Variants in TBC1D19 observed in about 807,000 individuals in gnomAD.
TBC1D19 encodes TBC1 domain family member 19.
A neutral mutation model predicts 89.0 loss-of-function variants in TBC1D19; 60 were observed. That is an observed-to-expected ratio of 0.67 (90% CI 0.55 to 0.84). The LOEUF is 0.84. TBC1D19 is among the 40% of genes least tolerant of loss of function. TBC1D19 has a pLI of 0.00. For missense variants in TBC1D19, 500 were observed against 610.8 expected, an observed-to-expected ratio of 0.82 and a Z score of 1.91; for synonymous variants, 189 against 199.7, an observed-to-expected ratio of 0.95 and a Z score of 0.45.
intron 15 of TBC1D19, among the ~76,000 whole-genome samples, chr4:26,730,752 A>G (rs916561274): frequency 1.3e-5 from 2 of 152,188 alleles, no homozygotes; most frequent in Admixed American, 6.5e-5. Context: ...AGAAGCCTGC[A>G]GGTCCAGCCT....
At chr4:26,588,050 A>G (rs1739529455) in intron 1 of TBC1D19, among the ~76,000 whole-genome samples, 1 of 132,232 alleles carries the variant, frequency 7.6e-6, no homozygotes. Context: ...TTTTGAGGTG[A>G]AATCTCGCTT....
chr4:26,696,761 G>A (rs1249382925), intron 13 of TBC1D19, among the ~76,000 whole-genome samples: 3 of 152,164 alleles, frequency 2.0e-5, no homozygotes, highest in African/African-American at 7.2e-5. Context: ...AGTGACTACT[G>A]GGTACATAAC....
At chr4:26,719,587 T>C (rs957840497) in intron 14 of TBC1D19, among the ~76,000 whole-genome samples, 1 of 152,120 alleles carries the variant, frequency 6.6e-6, no homozygotes, top group Non-Finnish European at 1.5e-5. Context: ...GGGACAACTC[T>C]GATTTCAAAT....
chr4:26,680,981 A>G (rs545474164), intron 11 of TBC1D19, among the ~76,000 whole-genome samples: 1 of 152,358 alleles, frequency 6.6e-6, no homozygotes, highest in African/African-American at 2.4e-5. Context: ...TCCAAGAAAG[A>G]TAATCTAATA....
At chr4:26,796,390 A>G in the TBC1D19 span, among the ~76,000 whole-genome samples, 2 of 152,218 alleles carry the variant, frequency 1.3e-5, no homozygotes, top group African/African-American at 4.8e-5. Flanking sequence ...GTGAAAAATG[A>G]CATCTTAGCA....
At chr4:26,633,946 C>T (rs1742957796) in intron 4 of TBC1D19, among the ~76,000 whole-genome samples, 1 of 151,974 alleles carries the variant, frequency 6.6e-6, no homozygotes, top group South Asian at 2.1e-4. Flanking sequence ...CTTTCTTTTG[C>T]TTTAAATTGT....
chr4:26,648,835 T>C (rs930059768), intron 7 of TBC1D19, among the ~76,000 whole-genome samples: 1 of 152,112 alleles, frequency 6.6e-6, no homozygotes, highest in African/African-American at 2.4e-5. Context: ...TTTATATTCT[T>C]ATTCTTATTC....
chr4:26,786,576 G>A, the TBC1D19 span, among the ~76,000 whole-genome samples: 1 of 152,150 alleles, frequency 6.6e-6, no homozygotes, highest in African/African-American at 2.4e-5. Context: ...ATTTCACTGG[G>A]CCAACATCGG....
Position 26,686,708 on chromosome 4 carries a change from G to GCA in TBC1D19, c.892-1637_892-1636insCA, listed in dbSNP as rs1713842427. Among the ~76,000 whole-genome samples, 3 of 152,236 alleles carry GCA rather than the reference G, an allele frequency of 2.0e-5. No homozygotes were observed. The South Asian group carries it at 6.2e-4, about 32-fold the overall frequency. On this transcript the variant is annotated intron_variant, in intron 12 of 20. Coordinates refer to ENST00000264866, the MANE Select transcript of TBC1D19 (RefSeq NM_018317.4). ...AGAGGCAATAGTATCCCCCTGTTGA[G>GCA]AATGCATGATCTCTACCTTTGTCTG... is the stretch of plus-strand genomic sequence containing the variant.
At chr4:26,774,980 T>G in the TBC1D19 span, among the ~76,000 whole-genome samples, 1 of 152,254 alleles carries the variant, frequency 6.6e-6, no homozygotes, top group Non-Finnish European at 1.5e-5. Context: ...CTGAGAGTTT[T>G]TTTATTAGGA....
At chr4:26,632,431 T>C (rs942129193) in intron 4 of TBC1D19, among the ~76,000 whole-genome samples, 10 of 151,718 alleles carry the variant, frequency 6.6e-5, no homozygotes, top group Non-Finnish European at 1.5e-4. Flanking sequence ...AAGAAAATCA[T>C]AAGTAAGAAA....
chr4:26,815,049 G>A, the TBC1D19 span, among the ~76,000 whole-genome samples: 2 of 151,052 alleles, frequency 1.3e-5, no homozygotes, highest in Non-Finnish European at 3.0e-5. Context: ...AATAAATAAA[G>A]TCACATTCTT....
chr4:26,733,461 AC>A (rs1311754563), intron 15 of TBC1D19, among the ~76,000 whole-genome samples: 1 of 1,880 alleles, frequency 5.3e-4, no homozygotes, highest in Non-Finnish European at 0.071. Flanking sequence ...ATATGCAAAG[AC>A]ACACACACAC....
intron 11 of TBC1D19, among the ~76,000 whole-genome samples, chr4:26,682,566 A>C (rs1344706053): frequency 6.6e-6 from 1 of 152,144 alleles, no homozygotes; most frequent in Non-Finnish European, 1.5e-5. Flanking sequence ...GGTCAGGAGG[A>C]GTCATACAGA....
At chr4:26,777,015 C>T in the TBC1D19 span, among the ~76,000 whole-genome samples, 2 of 152,082 alleles carry the variant, frequency 1.3e-5, no homozygotes, top group East Asian at 3.9e-4. Context: ...TGAATTATAG[C>T]TTGTAGAACT....
chr4:26,707,907 A>G (rs1715861418), intron 13 of TBC1D19, among the ~76,000 whole-genome samples: 1 of 152,102 alleles, frequency 6.6e-6, no homozygotes, highest in Non-Finnish European at 1.5e-5. Context: ...ACAAACCCAG[A>G]AATTATGTAG....
the TBC1D19 span, among the ~76,000 whole-genome samples, chr4:26,779,713 C>A: frequency 6.6e-6 from 1 of 152,228 alleles, no homozygotes; most frequent in African/African-American, 2.4e-5. Context: ...AGAGATATGG[C>A]ATGATGGAAC....
chr4:26,694,232 G>T (rs750659007), intron 13 of TBC1D19, among the ~76,000 whole-genome samples: 1 of 152,010 alleles, frequency 6.6e-6, no homozygotes, highest in Non-Finnish European at 1.5e-5. Flanking sequence ...CTTAGCAAAC[G>T]GCACACCAGG....
chr4:26,740,810 T>TA, intron 17 of TBC1D19: 1 of 985,430 alleles, frequency 1.0e-6, no homozygotes, highest in Non-Finnish European at 1.2e-6. Flanking sequence ...GCTATGAAAT[T>TA]AAATAGCTGT....
Sources: gnomAD v4.1 joint callset for allele counts (sites outside exome capture counted in the v4.1 genomes callset) on GRCh38, gnomAD v4.1.1 for gene constraint, MANE v1.5 for transcripts, NCBI Gene and HGNC (gene_info 2026-07-23, HGNC 2026-07-21) for gene names.